Variants in SMIM20 observed in about 807,000 individuals in gnomAD.
The protein encoded by SMIM20 is mitochondrial translation regulation assembly intermediate of cytochrome c oxidase protein of 7 kDa.
In SMIM20, 3 loss-of-function variants were observed where a neutral mutation model predicts 8.7. That is an observed-to-expected ratio of 0.34 (90% CI 0.16 to 0.89). SMIM20 has a LOEUF of 0.89. Among genes scored for constraint, SMIM20 ranks in the 40% least tolerant of loss-of-function variants. The probability of loss-of-function intolerance (pLI) is 0.49; values close to 1 mark genes in which losing one functional copy is unlikely to be tolerated. For missense variants in SMIM20, 85 were observed against 84.8 expected (o/e 1.00, Z -0.01); for synonymous variants, 44 against 33.6 (o/e 1.31, Z -1.07).
rs1165756421 is a variant in SMIM20, at chr4:25,929,202, A to C, written c.*11A>C. 6.4e-7 allele frequency: 1 copy of C among 1,551,976 alleles called. No homozygotes were observed. The highest frequency in any genetic ancestry group is 1.4e-5 in the African/African-American group (1 of 73,168). On this transcript the variant is annotated 3_prime_UTR_variant, in exon 3 of 3. Coordinates refer to ENST00000506197, the MANE Select transcript of SMIM20 (RefSeq NM_001145432.3). The stretch of plus-strand genomic sequence containing the variant: ...TTTGGCAGGAAATGAGAGGGCTGTC[A>C]TCAGCTCTGATTAAGAAAGGAGATT...
chr4:25,920,793 T>C (rs1307310199), intron 1 of SMIM20, among the ~76,000 whole-genome samples: 1 of 152,238 alleles, frequency 6.6e-6, no homozygotes, highest in Non-Finnish European at 1.5e-5. Context: ...CTGTACCTTT[T>C]CAAGTTTAGC....
intron 1 of SMIM20, 166 bp from the exon 2 acceptor site, chr4:25,928,147 A>T (rs1442635694): frequency 1.8e-6 from 1 of 549,692 alleles, no homozygotes; most frequent in Non-Finnish European, 3.0e-6. Flanking sequence ...GCATTATAGG[A>T]TCTAACTTCC....
chr4:25,928,367 C>A lies in SMIM20; in HGVS notation c.164C>A (p.Pro55Gln), dbSNP rs760695603. The A allele has an allele frequency of 1.3e-6, 2 of 1,547,824 alleles. No individual in the cohort carries two copies. Among genetic ancestry groups the A allele is most frequent in the Non-Finnish European group, 8.7e-7 (1 of 1,145,646 alleles). Residue 55 changes from proline to glutamine, a missense_variant and splice_region_variant, in exon 2 of 3, where the codon CCA becomes CAA. By Grantham distance (76) the Pro-to-Gln change is moderately conservative. Coordinates refer to ENST00000506197, the MANE Select transcript of SMIM20 (RefSeq NM_001145432.3). ...ATTGTTCAAGAGGATGTGCAGCCAC[C>A]AGGTAAACTGAAAAAAAAAAATCAA... ...AGIVQEDVQP[P>Q]GLKVWSDPFG...
At chr4:25,921,424 G>A (rs1350308379) in intron 1 of SMIM20, among the ~76,000 whole-genome samples, 1 of 152,186 alleles carries the variant, frequency 6.6e-6, no homozygotes, top group African/African-American at 2.4e-5. Context: ...TTAGCCACGG[G>A]GCAAAGAAGG....
In SMIM20 at chr4:25,915,865, G is replaced by T. The variant is rs976954986; in HGVS notation, c.109+1443G>T. 7.4e-5 allele frequency among the ~76,000 whole-genome samples: 10 copies of T among 134,764 alleles called. 1 individual carries two copies. The East Asian group carries it at 1.8e-3, about 24-fold the overall frequency. The allele number at this position is 134,764 out of a possible 152,430, so 88.4% of individuals were successfully genotyped here. On this transcript the variant is annotated intron_variant, in intron 1 of 2. Coordinates refer to ENST00000506197, the MANE Select transcript of SMIM20 (RefSeq NM_001145432.3). ...GTCACAACTTGGGATGGGGCGGGGG[G>T]GGGGTCGAGTGTTGCTACTGGTTTC...
chr4:25,918,436 A>G (rs1370624310), intron 1 of SMIM20, among the ~76,000 whole-genome samples: 1 of 152,144 alleles, frequency 6.6e-6, no homozygotes. Context: ...AATTATCATT[A>G]TATAAGAATT....
Position 25,916,279 on chromosome 4 carries a change from C to T in SMIM20, c.109+1857C>T, listed in dbSNP as rs951495931. ...AGGCTGGAGTGCAGTGGCCTGATCT[C>T]GGCGCACTGCAGTCTCCATCTCCCA... On this transcript the variant is annotated intron_variant, in intron 1 of 2. Transcript: ENST00000506197. Among the ~76,000 whole-genome samples the T allele has an allele frequency of 6.6e-5, 10 of 151,808 alleles. No homozygotes were observed. In the East Asian group the frequency reaches 1.7e-3, roughly 27 times the overall value.
intron 1 of SMIM20, among the ~76,000 whole-genome samples, chr4:25,918,044 G>A (rs1472768587): frequency 6.7e-6 from 1 of 150,152 alleles, no homozygotes; most frequent in Non-Finnish European, 1.5e-5. Context: ...CCGGGTTCAC[G>A]CCATTCTCCT....
intron 1 of SMIM20, among the ~76,000 whole-genome samples, chr4:25,917,360 T>G (rs191251142): frequency 2.6e-5 from 4 of 152,198 alleles, no homozygotes; most frequent in Non-Finnish European, 2.9e-5. Context: ...GTAACAGGTG[T>G]GGAAACACCT....
At chr4:25,917,006 G>A (rs557014046) in intron 1 of SMIM20, among the ~76,000 whole-genome samples, 41 of 152,236 alleles carry the variant, frequency 2.7e-4, no homozygotes, top group African/African-American at 9.1e-4. Context: ...CCCATTTAGT[G>A]TTGATAACAG....
intron 1 of SMIM20, among the ~76,000 whole-genome samples, chr4:25,924,683 G>A (rs2109365419): frequency 6.6e-6 from 1 of 152,054 alleles, no homozygotes; most frequent in South Asian, 2.1e-4. Flanking sequence ...TTATTTTGTT[G>A]AACCATTTGA....
intron 1 of SMIM20, among the ~76,000 whole-genome samples, chr4:25,924,301 A>G (rs778924643): frequency 2.6e-5 from 4 of 152,196 alleles, no homozygotes; most frequent in Non-Finnish European, 5.9e-5. Context: ...ATGGTGTTGG[A>G]CTTTTCGTAT....
chr4:25,928,869 T>C (rs576457701), intron 2 of SMIM20, among the ~76,000 whole-genome samples: 29 of 152,350 alleles, frequency 1.9e-4, no homozygotes, highest in African/African-American at 6.7e-4. Flanking sequence ...CCAAAGCTCT[T>C]ATAATCTGTG....
chr4:25,920,420 G>C (rs1029087334), intron 1 of SMIM20, among the ~76,000 whole-genome samples: 11 of 152,070 alleles, frequency 7.2e-5, no homozygotes, highest in Admixed American at 7.2e-4. Context: ...TTTTAAAATA[G>C]AAAGATGTCT....
In SMIM20 at chr4:25,928,297, C is replaced by T; in HGVS notation, c.110-16C>T. ...GCCCCCCTTCTAAAGAATGATTTTT[C>T]TCTTATGTTTCTCAGAGAAGGAACA... On this transcript the variant is annotated splice_polypyrimidine_tract_variant and intron_variant, in intron 1 of 2. Coordinates refer to ENST00000506197, the MANE Select transcript of SMIM20 (RefSeq NM_001145432.3). The T allele has an allele frequency of 6.5e-7, 1 of 1,546,924 alleles. No individual in the cohort carries two copies. The highest frequency in any genetic ancestry group is 8.7e-7 in the Non-Finnish European group (1 of 1,145,264).
intron 1 of SMIM20, among the ~76,000 whole-genome samples, chr4:25,923,071 CATG>C (rs1328891374): frequency 6.6e-6 from 1 of 152,244 alleles, no homozygotes; most frequent in Admixed American, 6.5e-5. Flanking sequence ...CAGTTCTGTA[CATG>C]ATACCTCAAG....
chr4:25,923,642 T>C (rs1348721722), intron 1 of SMIM20, among the ~76,000 whole-genome samples: 3 of 152,236 alleles, frequency 2.0e-5, no homozygotes, highest in Non-Finnish European at 4.4e-5. Flanking sequence ...ACCTCAGTTC[T>C]GCTGCTTCTC....
At chr4:25,914,477 C>G (rs1691188831) in intron 1 of SMIM20, 55 bp downstream of exon 1, 1 of 1,380,942 alleles carries the variant, frequency 7.2e-7, no homozygotes, top group Non-Finnish European at 9.5e-7. Context: ...ACACACCTCC[C>G]CTCTGTGAGC....
intron 2 of SMIM20, 79 bp from the exon 3 acceptor site, chr4:25,929,075 A>G: frequency 6.6e-7 from 1 of 1,504,758 alleles, no homozygotes; most frequent in Non-Finnish European, 9.0e-7. Context: ...TTCTGATGTC[A>G]TTTTGTTTGT....
Sources: allele counts gnomAD v4.1 joint callset (sites outside exome capture counted in the v4.1 genomes callset), GRCh38; gene constraint gnomAD v4.1.1; transcripts MANE v1.5; gene names NCBI Gene and HGNC (gene_info 2026-07-23, HGNC 2026-07-21).